The following GLIS3 variants were observed in gnomAD, a reference collection of about 807,000 sequenced individuals.
GLIS3 encodes the protein GLIS family zinc finger 3, also known as zinc finger protein GLIS3.
A neutral mutation model predicts 78.6 loss-of-function variants in GLIS3; 53 were observed. The ratio of observed to expected loss-of-function variants is 0.67; its 90% CI spans 0.54 to 0.85. The LOEUF (loss-of-function observed/expected upper bound fraction) is 0.85, where lower values mean the gene tolerates loss of function less well. GLIS3 is among the 40% of genes least tolerant of loss of function. GLIS3 has a pLI of 0.00. For synonymous variants in GLIS3, 684 were observed against 509.9 expected (o/e 1.34, Z -4.60); for missense variants, 1,703 against 1,231.1 (o/e 1.38, Z -5.74).
chr9:4,405,742 C>G, the GLIS3 span, among the ~76,000 whole-genome samples: 1 of 151,876 alleles, frequency 6.6e-6, no homozygotes, highest in African/African-American at 2.4e-5. Context: ...TACCCTGATA[C>G]CAAAACCAGA....
At chr9:4,119,898 G>A (rs1170326907) in intron 3 of GLIS3, among the ~76,000 whole-genome samples, 1 of 152,210 alleles carries the variant, frequency 6.6e-6, no homozygotes, top group East Asian at 1.9e-4. Flanking sequence ...AACTTTAAGT[G>A]TGAAAATAAT....
chr9:4,424,407 C>T, the GLIS3 span, among the ~76,000 whole-genome samples: 1 of 152,104 alleles, frequency 6.6e-6, no homozygotes, highest in East Asian at 1.9e-4. Flanking sequence ...TTAGAATAGG[C>T]CTGTAAGTAC....
rs1004486977 is a variant in GLIS3 at position 4,257,767 on chromosome 9, G to T, written c.388+28271C>A. 4.1e-4 allele frequency among the ~76,000 whole-genome samples: 62 copies of T among 151,994 alleles called. 1 individual carries two copies. Among genetic ancestry groups the T allele is most frequent in the Non-Finnish European group, 4.9e-4 (33 of 68,012 alleles). On this transcript the variant is annotated intron_variant, in intron 2 of 10. Transcript: ENST00000381971. The stretch of plus-strand genomic sequence containing the variant: ...TTTTTTTATTTTTAGTAGAGATGGG[G>T]TTTCACTGTGTTAGCCGGGATGGTC...
At chr9:3,960,771 A>G (rs921954219) in intron 4 of GLIS3, among the ~76,000 whole-genome samples, 1 of 152,184 alleles carries the variant, frequency 6.6e-6, no homozygotes, top group Non-Finnish European at 1.5e-5. Flanking sequence ...GGTCAGCACT[A>G]CCCACTGGTG....
chr9:3,987,997 T>A (rs1819913806), intron 4 of GLIS3, among the ~76,000 whole-genome samples: 1 of 152,054 alleles, frequency 6.6e-6, no homozygotes, highest in Non-Finnish European at 1.5e-5. Flanking sequence ...ATAGTGATGA[T>A]TAAAATTTAA....
intron 6 of GLIS3, among the ~76,000 whole-genome samples, chr9:3,923,215 T>C (rs1825006365): frequency 6.6e-6 from 1 of 152,216 alleles, no homozygotes; most frequent in African/African-American, 2.4e-5. Context: ...CCACTATAAT[T>C]ATCTCTCTAA....
chr9:4,196,825 TGA>T (rs1230176513), intron 2 of GLIS3, among the ~76,000 whole-genome samples: 1 of 151,130 alleles, frequency 6.6e-6, no homozygotes, highest in Non-Finnish European at 1.5e-5. Context: ...TACCACACAA[TGA>T]GATGTGCAAC....
At chr9:4,487,328 T>C in the GLIS3 span, among the ~76,000 whole-genome samples, 2 of 152,130 alleles carry the variant, frequency 1.3e-5, no homozygotes, top group African/African-American at 4.8e-5. Flanking sequence ...GGTGGTGATA[T>C]TTGTTTTGTG....
the GLIS3 span, among the ~76,000 whole-genome samples, chr9:4,388,301 G>T: frequency 1.3e-5 from 2 of 152,188 alleles, no homozygotes. Flanking sequence ...GTGAACTCGG[G>T]AAAAGCTGTT....
At chr9:3,913,098 T>C (rs1451931412) in intron 6 of GLIS3, among the ~76,000 whole-genome samples, 2 of 152,176 alleles carry the variant, frequency 1.3e-5, no homozygotes, top group Non-Finnish European at 2.9e-5. Context: ...AATTGGTTTC[T>C]CGCTACAGCC....
At chr9:4,101,443 T>C (rs1179925843) in intron 4 of GLIS3, among the ~76,000 whole-genome samples, 1 of 152,232 alleles carries the variant, frequency 6.6e-6, no homozygotes, top group East Asian at 1.9e-4. Flanking sequence ...TTTATTATTC[T>C]GTATAAACCA....
At chr9:3,934,557 G>C (rs1025857792) in intron 5 of GLIS3, among the ~76,000 whole-genome samples, 2 of 152,102 alleles carry the variant, frequency 1.3e-5, no homozygotes, top group Non-Finnish European at 2.9e-5. Flanking sequence ...TTACAGGCAT[G>C]TGCCACCACA....
chr9:4,410,590 G>C, the GLIS3 span, among the ~76,000 whole-genome samples: 3 of 152,126 alleles, frequency 2.0e-5, no homozygotes, highest in African/African-American at 7.2e-5. Context: ...CATTTGCTTT[G>C]ATCCAGCACA....
At chr9:4,259,725 A>G (rs537968873) in intron 2 of GLIS3, among the ~76,000 whole-genome samples, 2 of 152,318 alleles carry the variant, frequency 1.3e-5, no homozygotes, top group African/African-American at 2.4e-5. Flanking sequence ...CTCTATTCAC[A>G]GATGGGGTGG....
At chr9:4,103,708 T>A (rs1017441598) in intron 4 of GLIS3, among the ~76,000 whole-genome samples, 1 of 152,152 alleles carries the variant, frequency 6.6e-6, no homozygotes, top group Non-Finnish European at 1.5e-5. Flanking sequence ...CTGTTTTTAA[T>A]GCCTACCAAT....
chr9:4,337,448 C>G (rs78752045), intron 2 of GLIS3, among the ~76,000 whole-genome samples: 3,622 of 152,214 alleles, frequency 0.024, 237 homozygotes, highest in East Asian at 0.18. Flanking sequence ...ATCGTACGGA[C>G]AGTATTTTCA....
intron 4 of GLIS3, among the ~76,000 whole-genome samples, chr9:4,075,312 T>C (rs1827950827): frequency 6.6e-6 from 1 of 151,326 alleles, no homozygotes; most frequent in Admixed American, 6.6e-5. Flanking sequence ...CTGACACCTA[T>C]AATCCCAGCA....
intron 2 of GLIS3, among the ~76,000 whole-genome samples, chr9:4,204,575 T>A (rs1018311481): frequency 6.6e-6 from 1 of 151,318 alleles, no homozygotes; most frequent in Non-Finnish European, 1.5e-5. Flanking sequence ...ACCAGGGAGG[T>A]TGAACACACC....
At chr9:4,241,366 T>C (rs1029314245) in intron 2 of GLIS3, among the ~76,000 whole-genome samples, 3 of 152,168 alleles carry the variant, frequency 2.0e-5, no homozygotes, top group Non-Finnish European at 4.4e-5. Context: ...TACAGTTAGA[T>C]AGAAGAAATA....
Sources: gnomAD v4.1 joint callset for allele counts (sites outside exome capture counted in the v4.1 genomes callset) on GRCh38, gnomAD v4.1.1 for gene constraint, MANE v1.5 for transcripts, NCBI Gene and HGNC (gene_info 2026-07-23, HGNC 2026-07-21) for gene names.